NBEA: variants seen among roughly 807,000 people sequenced by gnomAD.
NBEA encodes the protein lysosomal-trafficking regulator 2.
NBEA carries 44 observed loss-of-function variants against 343.4 expected under a neutral mutation model. The observed-to-expected ratio is 0.13, with a 90% confidence interval of 0.10 to 0.16. NBEA has a LOEUF of 0.16. Ranked by LOEUF, NBEA falls within the 10% of genes least tolerant of loss-of-function variation. The pLI is 1.00. For synonymous variants in NBEA, 1,175 were observed against 1,238.7 expected (o/e 0.95, Z 1.08); for missense variants, 2,555 against 3,631.3 (o/e 0.70, Z 7.62).
intron 38 of NBEA, among the ~76,000 whole-genome samples, chr13:35,360,142 G>C (rs1333722463): frequency 6.6e-6 from 1 of 151,928 alleles, no homozygotes; most frequent in Non-Finnish European, 1.5e-5. Context: ...CCTAAAGCTT[G>C]TAGTCATTTC....
intron 36 of NBEA, among the ~76,000 whole-genome samples, chr13:35,320,832 A>G (rs1485430456): frequency 6.6e-6 from 1 of 151,850 alleles, no homozygotes. Flanking sequence ...TTCACACTTT[A>G]TTTCATTAAG....
intron 38 of NBEA, among the ~76,000 whole-genome samples, chr13:35,399,359 G>A (rs923344433): frequency 1.1e-4 from 16 of 152,120 alleles, no homozygotes; most frequent in African/African-American, 3.6e-4. Flanking sequence ...TTGCATGGCT[G>A]GGGAGGCCTG....
intron 8 of NBEA, among the ~76,000 whole-genome samples, chr13:35,064,398 T>C (rs1365106275): frequency 6.6e-6 from 1 of 152,064 alleles, no homozygotes; most frequent in Admixed American, 6.6e-5. Flanking sequence ...TTGAGGATAC[T>C]GATTGTCAAA....
At chr13:35,089,674 T>G (rs1287213728) in intron 10 of NBEA, among the ~76,000 whole-genome samples, 4 of 129,430 alleles carry the variant, frequency 3.1e-5, no homozygotes, top group Non-Finnish European at 6.5e-5. Context: ...TGTCCAACAA[T>G]GATAGACTGG....
At chr13:35,032,819 A>T (rs2062286090) in intron 1 of NBEA, among the ~76,000 whole-genome samples, 1 of 151,642 alleles carries the variant, frequency 6.6e-6, no homozygotes, top group African/African-American at 2.4e-5. Context: ...AGAAATTGCT[A>T]TTTAAATCTT....
At chr13:35,010,154 A>G (rs2061434493) in intron 1 of NBEA, among the ~76,000 whole-genome samples, 1 of 152,186 alleles carries the variant, frequency 6.6e-6, no homozygotes. Flanking sequence ...TTTGTGAGTT[A>G]TTAGTATCTT....
chr13:35,294,847 C>T (rs1020647552), intron 35 of NBEA, among the ~76,000 whole-genome samples: 2 of 151,898 alleles, frequency 1.3e-5, no homozygotes, highest in Admixed American at 6.6e-5. Flanking sequence ...TGAGCCCTGA[C>T]GATGCAAGGT....
At chr13:35,423,881 G>T (rs1408044593) in intron 38 of NBEA, among the ~76,000 whole-genome samples, 5 of 152,082 alleles carry the variant, frequency 3.3e-5, no homozygotes, top group Non-Finnish European at 7.4e-5. Flanking sequence ...TTGTAAGTTG[G>T]ATTCCTAGGT....
intron 1 of NBEA, among the ~76,000 whole-genome samples, chr13:34,973,325 A>C (rs886690432): frequency 2.6e-5 from 4 of 152,128 alleles, no homozygotes; most frequent in African/African-American, 4.8e-5. Context: ...TTCATAGAGC[A>C]GCTGTGCTGT....
intron 48 of NBEA, among the ~76,000 whole-genome samples, chr13:35,618,828 T>G (rs1053938253): frequency 3.9e-5 from 6 of 152,062 alleles, no homozygotes; most frequent in African/African-American, 1.4e-4. Flanking sequence ...TTTTAAAAAT[T>G]TGTTTTAGAA....
chr13:35,501,367 C>A (rs1037739393), intron 41 of NBEA, among the ~76,000 whole-genome samples: 10 of 152,196 alleles, frequency 6.6e-5, no homozygotes, highest in Non-Finnish European at 1.5e-4. Flanking sequence ...ACTGTTGTTG[C>A]TTTCTGATAA....
chr13:35,651,930 A>T, intron 53 of NBEA, 54 bp downstream of exon 53: 5 of 981,194 alleles, frequency 5.1e-6, no homozygotes, highest in Non-Finnish European at 7.8e-6. Flanking sequence ...ATATTCATAT[A>T]TAGTTATTTT....
Position 35,460,359 on chromosome 13 carries a change from T to C in NBEA, c.6448+8124T>C, listed in dbSNP as rs77628233. ...AGGAAGTTGCTTTGCCAGTCATAAA[T>C]AGTATACCCAAAGGATTCACATTCA... On this transcript the variant is annotated intron_variant, in intron 40 of 58. Transcript: ENST00000379939. Among the ~76,000 whole-genome samples, 35 of 152,338 alleles carry C rather than the reference T, an allele frequency of 2.3e-4. No individual in the cohort carries two copies. In the East Asian group the frequency reaches 5.6e-3, roughly 24 times the overall value.
chr13:35,316,184 G>C (rs778845183), intron 36 of NBEA, among the ~76,000 whole-genome samples: 1 of 151,884 alleles, frequency 6.6e-6, no homozygotes, highest in Non-Finnish European at 1.5e-5. Context: ...AGGTATACAC[G>C]TGTCATGGTG....
chr13:35,333,219 T>A (rs1411989418), intron 36 of NBEA, among the ~76,000 whole-genome samples: 2 of 151,836 alleles, frequency 1.3e-5, no homozygotes, highest in African/African-American at 4.8e-5. Context: ...AAGGTTAGAA[T>A]TGTGAAATAA....
At chr13:35,158,750 C>T (rs2069358706) in intron 21 of NBEA, among the ~76,000 whole-genome samples, 1 of 152,010 alleles carries the variant, frequency 6.6e-6, no homozygotes, top group African/African-American at 2.4e-5. Context: ...AAATACTTAG[C>T]CTAAAAGAAA....
chr13:35,135,311 A>G (rs1443912321), intron 17 of NBEA, among the ~76,000 whole-genome samples: 1 of 152,082 alleles, frequency 6.6e-6, no homozygotes, highest in African/African-American at 2.4e-5. Context: ...AACTGTCCTG[A>G]TAGATTGAAG....
At chr13:35,649,952 CA>C in intron 52 of NBEA, 105 bp downstream of exon 52, 1 of 1,086,508 alleles carries the variant, frequency 9.2e-7, no homozygotes, top group Non-Finnish European at 1.3e-6. Flanking sequence ...ACATTATCTA[CA>C]AAAAACAGCA....
intron 34 of NBEA, among the ~76,000 whole-genome samples, chr13:35,239,574 A>T (rs931501559): frequency 2.6e-5 from 4 of 152,126 alleles, no homozygotes. Flanking sequence ...GGCGATCCAG[A>T]TATAAAATAG....
Sources: allele counts gnomAD v4.1 joint callset (sites outside exome capture counted in the v4.1 genomes callset), GRCh38; gene constraint gnomAD v4.1.1; transcripts MANE v1.5; gene names NCBI Gene and HGNC (gene_info 2026-07-23, HGNC 2026-07-21).